Variants in KCNH1 observed in about 807,000 individuals in gnomAD.
KCNH1 encodes the protein potassium voltage-gated channel subfamily H member 1.
KCNH1 carries 27 observed loss-of-function variants against 69.2 expected under a neutral mutation model. The observed-to-expected ratio is 0.39, with a 90% CI of 0.29 to 0.54. The LOEUF (loss-of-function observed/expected upper bound fraction) is 0.54. Among genes scored for constraint, KCNH1 ranks in the 20% least tolerant of loss-of-function variants. KCNH1 has a pLI of 0.68. For missense variants in KCNH1, 798 were observed against 1,261.6 expected (o/e 0.63, Z 5.57); for synonymous variants, 456 against 487.7 (o/e 0.93, Z 0.86).
At chr1:210,792,217 T>C (rs1684224803) in intron 9 of KCNH1, among the ~76,000 whole-genome samples, 1 of 152,168 alleles carries the variant, frequency 6.6e-6, no homozygotes, top group African/African-American at 2.4e-5. Flanking sequence ...TACTTCTTTA[T>C]TCAGGGGCTC....
At chr1:210,997,364 T>G (rs1689070431) in intron 6 of KCNH1, among the ~76,000 whole-genome samples, 1 of 152,128 alleles carries the variant, frequency 6.6e-6, no homozygotes. Flanking sequence ...ACGTGAAGAA[T>G]GCAGAAGCCT....
chr1:210,983,151 C>T (rs914437650), intron 6 of KCNH1, among the ~76,000 whole-genome samples: 2 of 151,958 alleles, frequency 1.3e-5, no homozygotes, highest in African/African-American at 2.4e-5. Flanking sequence ...TTTGAGTTCA[C>T]TGTAGATTCT....
chr1:211,040,431 C>A (rs184046538), intron 5 of KCNH1, among the ~76,000 whole-genome samples: 134 of 152,234 alleles, frequency 8.8e-4, no homozygotes, highest in African/African-American at 3.1e-3. Flanking sequence ...TTCATGAGAT[C>A]TGATGATGGG....
intron 10 of KCNH1, among the ~76,000 whole-genome samples, chr1:210,748,334 A>G (rs1683208847): frequency 6.6e-6 from 1 of 152,204 alleles, no homozygotes; most frequent in African/African-American, 2.4e-5. Flanking sequence ...TGCCTCATAG[A>G]CAGTCACTTT....
intron 5 of KCNH1, among the ~76,000 whole-genome samples, chr1:211,029,145 C>T (rs150354848): frequency 0.014 from 1,770 of 122,510 alleles, 39 homozygotes; most frequent in African/African-American, 0.051. Context: ...GCCATGGCAA[C>T]ATAGAGAGAC....
chr1:210,837,439 A>G (rs1163911036), intron 7 of KCNH1, among the ~76,000 whole-genome samples: 4 of 152,200 alleles, frequency 2.6e-5, no homozygotes, highest in Admixed American at 1.3e-4. Context: ...CGATTAGTGC[A>G]GTACCTGGCA....
intron 6 of KCNH1, among the ~76,000 whole-genome samples, chr1:210,933,114 A>T (rs1687706862): frequency 6.6e-6 from 1 of 152,236 alleles, no homozygotes; most frequent in South Asian, 2.1e-4. Flanking sequence ...GAACCAATCC[A>T]AATGTCCAAC....
intron 6 of KCNH1, among the ~76,000 whole-genome samples, chr1:210,957,164 G>A (rs1043163679): frequency 2.0e-5 from 3 of 152,006 alleles, no homozygotes; most frequent in South Asian, 2.1e-4. Context: ...CCTTAATTTC[G>A]TTATTTACCT....
intron 6 of KCNH1, among the ~76,000 whole-genome samples, chr1:210,996,158 T>C (rs989103852): frequency 6.6e-6 from 1 of 152,088 alleles, no homozygotes; most frequent in African/African-American, 2.4e-5. Context: ...GTGCACTGCA[T>C]TGTGCACGAG....
At chr1:211,091,409 C>T (rs750974653) in intron 3 of KCNH1, among the ~76,000 whole-genome samples, 2 of 152,088 alleles carry the variant, frequency 1.3e-5, no homozygotes, top group Non-Finnish European at 2.9e-5. Context: ...TCCAGTGATC[C>T]ACCCACCTTG....
At chr1:210,709,728 GAGAGAGAGAGAGAA>G (rs1238709848) in intron 10 of KCNH1, among the ~76,000 whole-genome samples, 96 of 70,986 alleles carry the variant, frequency 1.4e-3, no homozygotes, top group African/African-American at 2.9e-3. Flanking sequence ...AAAGAAGAGA[GAGAGAGAGAGAGAA>G]AGAGAGAGAG....
chr1:210,775,573 G>A (rs1445218197), intron 9 of KCNH1, 29 bp from the exon 10 acceptor site: 1 of 1,589,274 alleles, frequency 6.3e-7, no homozygotes, highest in Non-Finnish European at 8.6e-7. Context: ...CATGAGGAAA[G>A]TGTTGGCCAG....
intron 5 of KCNH1, among the ~76,000 whole-genome samples, chr1:211,032,329 A>T (rs890907260): frequency 4.6e-5 from 7 of 152,238 alleles, no homozygotes; most frequent in Non-Finnish European, 1.0e-4. Context: ...GAAAATGGAC[A>T]CACTGCCCAA....
chr1:211,107,469 G>C, intron 1 of KCNH1, 92 bp from the exon 2 acceptor site: 1 of 1,251,958 alleles, frequency 8.0e-7, no homozygotes. Context: ...AAGCAATCCA[G>C]ATATTTCTGA....
At chr1:210,815,871 T>G (rs895424852) in intron 7 of KCNH1, among the ~76,000 whole-genome samples, 1 of 152,100 alleles carries the variant, frequency 6.6e-6, no homozygotes, top group Non-Finnish European at 1.5e-5. Context: ...GCACCGGAGG[T>G]AACACACAGA....
intron 7 of KCNH1, among the ~76,000 whole-genome samples, chr1:210,887,194 T>C (rs1301773795): frequency 6.6e-6 from 1 of 152,050 alleles, no homozygotes; most frequent in Non-Finnish European, 1.5e-5. Context: ...TAACAGCAGA[T>C]CTCTCAGCAG....
intron 7 of KCNH1, among the ~76,000 whole-genome samples, chr1:210,868,147 T>C (rs1686155143): frequency 6.6e-6 from 1 of 152,054 alleles, no homozygotes; most frequent in African/African-American, 2.4e-5. Context: ...TCTTTTTAAT[T>C]GTATTCATAT....
At chr1:210,909,459 G>A (rs1013950937) in intron 7 of KCNH1, among the ~76,000 whole-genome samples, 11 of 152,202 alleles carry the variant, frequency 7.2e-5, no homozygotes, top group Non-Finnish European at 1.5e-4. Flanking sequence ...TGTGGCCCTG[G>A]AGTGAACACT....
At chr1:210,880,336 G>C (rs1418968549) in intron 7 of KCNH1, among the ~76,000 whole-genome samples, 1 of 152,154 alleles carries the variant, frequency 6.6e-6, no homozygotes, top group African/African-American at 2.4e-5. Context: ...CCAGCTTCAA[G>C]ACTTATTATT....
Sources: allele counts gnomAD v4.1 joint callset (sites outside exome capture counted in the v4.1 genomes callset), GRCh38; gene constraint gnomAD v4.1.1; transcripts MANE v1.5; gene names NCBI Gene and HGNC (gene_info 2026-07-23, HGNC 2026-07-21).